Variants in GMCL1 observed in about 807,000 individuals in gnomAD.
GMCL1 encodes germ cell-less protein-like 1.
In GMCL1, 54 loss-of-function variants were observed where a neutral mutation model predicts 75.5. The ratio of observed to expected loss-of-function variants is 0.71; its 90% CI spans 0.57 to 0.90. The LOEUF is 0.90. GMCL1 is among the 40% of genes least tolerant of loss of function. GMCL1 has a pLI of 0.00. For synonymous variants in GMCL1, 210 were observed against 209.6 expected (o/e 1.00, Z -0.02); for missense variants, 537 against 622.7 (o/e 0.86, Z 1.47).
At position 69,877,731 on chromosome 2, in the gene GMCL1, TGTGA is replaced by T. The variant is rs779317428; in HGVS notation, c.1453-1176_1453-1173del. 1.6e-3 allele frequency among the ~76,000 whole-genome samples: 231 copies of T among 148,324 alleles called. 1 individual carries two copies. Among genetic ancestry groups the T allele is most frequent in the African/African-American group, 5.3e-3 (215 of 40,722 alleles). On this transcript the variant is annotated intron_variant, in intron 13 of 13. Transcript: ENST00000282570. ...TTGTGTGTGTGTGTGTGTGTGTGTG[TGTGA>T]GACATTTGTACTCTCTACCTTCTTT...
intron 4 of GMCL1, 185 bp from the exon 5 acceptor site, chr2:69,842,964 T>A (rs1675025919): frequency 2.7e-6 from 1 of 376,722 alleles, no homozygotes. Context: ...TTGCTGAACT[T>A]TTTTCAGTAT....
intron 4 of GMCL1, among the ~76,000 whole-genome samples, chr2:69,841,842 C>G (rs113459631): frequency 1.8e-4 from 28 of 152,136 alleles, no homozygotes; most frequent in African/African-American, 6.3e-4. Flanking sequence ...ACAGAGAGAA[C>G]AGAGTAAACT....
chr2:69,864,826 C>T, intron 10 of GMCL1, 74 bp from the exon 11 acceptor site: 1 of 975,740 alleles, frequency 1.0e-6, no homozygotes, highest in South Asian at 1.5e-5. Context: ...ATTTTCTGTT[C>T]TTAACTCATA....
intron 8 of GMCL1, among the ~76,000 whole-genome samples, chr2:69,851,566 C>T (rs1044662338): frequency 6.6e-6 from 1 of 151,686 alleles, no homozygotes; most frequent in Non-Finnish European, 1.5e-5. Flanking sequence ...GCCGAGATTG[C>T]GCCATTGCAC....
intron 1 of GMCL1, among the ~76,000 whole-genome samples, chr2:69,836,182 C>G (rs1674812095): frequency 6.6e-6 from 1 of 152,188 alleles, no homozygotes; most frequent in Non-Finnish European, 1.5e-5. Flanking sequence ...AGCTTAGCCT[C>G]CATCCTAGTC....
At chr2:69,865,289 TTC>T (rs1447693757) in intron 11 of GMCL1, among the ~76,000 whole-genome samples, 1 of 152,256 alleles carries the variant, frequency 6.6e-6, no homozygotes, top group Non-Finnish European at 1.5e-5. Flanking sequence ...TTAAAAGTGA[TTC>T]TGTGTTACAG....
At chr2:69,856,768 T>C (rs976968620) in intron 9 of GMCL1, among the ~76,000 whole-genome samples, 1 of 150,946 alleles carries the variant, frequency 6.6e-6, no homozygotes, top group African/African-American at 2.4e-5. Context: ...CCCCTCAGTG[T>C]GCACTTTCCA....
At chr2:69,834,893 T>C (rs1674776810) in intron 1 of GMCL1, among the ~76,000 whole-genome samples, 1 of 152,194 alleles carries the variant, frequency 6.6e-6, no homozygotes, top group African/African-American at 2.4e-5. Flanking sequence ...TTTCCTTTCT[T>C]TGTCTTTTTG....
intron 13 of GMCL1, among the ~76,000 whole-genome samples, chr2:69,872,276 G>C (rs892003350): frequency 6.6e-6 from 1 of 152,164 alleles, no homozygotes; most frequent in African/African-American, 2.4e-5. Flanking sequence ...AGGTTCGTAA[G>C]ATGGCAAACT....
At chr2:69,869,920 T>G (rs1337793355) in intron 12 of GMCL1, 56 bp downstream of exon 12, 3 of 1,546,552 alleles carry the variant, frequency 1.9e-6, no homozygotes, top group African/African-American at 2.8e-5. Flanking sequence ...ATATAAGAAA[T>G]AAAACCTTGA....
chr2:69,877,834 C>G (rs145279410), intron 13 of GMCL1, among the ~76,000 whole-genome samples: 323 of 152,242 alleles, frequency 2.1e-3, no homozygotes, highest in African/African-American at 7.5e-3. Context: ...CACAGATATT[C>G]TAGTTTTAGT....
Position 69,847,554 on chromosome 2 carries a change from T to C in GMCL1, c.770T>C (p.Met257Thr). Residue 257 changes from methionine to threonine, a missense_variant, in exon 7 of 14, where the codon ATG (methionine) becomes ACG (threonine). This residue lies in a region of GMCL1 where 345 missense variants were observed against 410.5 expected (regional missense o/e 0.84). Coordinates refer to ENST00000282570, the MANE Select transcript of GMCL1 (RefSeq NM_178439.5). Reference sequence around the variant, plus strand: ...TTTATCCTTTTCAGTATAAATGTCATGAAACAGCTCATTGGTTCATCTAAC... The same window carrying C: ...TTTATCCTTTTCAGTATAAATGTCACGAAACAGCTCATTGGTTCATCTAAC... ...ELFKELSINV[M>T]KQLIGSSNLF... 6.2e-7 allele frequency: 1 copy of C among 1,605,842 alleles called. No individual in the cohort carries two copies. Among genetic ancestry groups the C allele is most frequent in the Non-Finnish European group, 8.5e-7 (1 of 1,172,808 alleles).
chr2:69,857,693 T>C (rs1165113538), intron 9 of GMCL1, among the ~76,000 whole-genome samples: 1 of 152,216 alleles, frequency 6.6e-6, no homozygotes, highest in Non-Finnish European at 1.5e-5. Flanking sequence ...CTATACAGAA[T>C]ACTCTTATTT....
chr2:69,880,260 G>A lies in GMCL1; in HGVS notation c.*1256G>A, dbSNP rs1040692630. On this transcript the variant is annotated 3_prime_UTR_variant, in exon 14 of 14. Coordinates refer to ENST00000282570, the MANE Select transcript of GMCL1 (RefSeq NM_178439.5). ...TAATAAATGCCCATTTGGAAAAAGA[G>A]TAAGCTCTTACATAAAATGGACCAA... 27 of 152,092 alleles carry A rather than the reference G, an allele frequency of 1.8e-4. No homozygotes were observed. The highest frequency in any genetic ancestry group is 6.5e-4 in the African/African-American group (27 of 41,426). The allele number at this position is 152,092 out of a possible 1,614,324, so 9.4% of individuals were successfully genotyped here.
At position 69,831,796 on chromosome 2, in the gene GMCL1, G is replaced by A. The variant is rs139846437; in HGVS notation, c.260+1644G>A. 1.9e-3 allele frequency among the ~76,000 whole-genome samples: 294 copies of A among 152,138 alleles called. 1 individual carries two copies. The highest frequency in any genetic ancestry group is 6.9e-3 in the African/African-American group (288 of 41,506). On this transcript the variant is annotated intron_variant, in intron 1 of 13. Transcript: ENST00000282570. The stretch of plus-strand genomic sequence containing the variant: ...TAATTTTTTTATTTGTAGAAACAAG[G>A]TCTCACTCTGTTGCCCACCCAGGCT...
chr2:69,830,042 C>G lies in GMCL1; in HGVS notation c.150C>G (p.His50Gln), dbSNP rs562836873. 6.4e-7 allele frequency: 1 copy of G among 1,565,120 alleles called. No homozygotes were observed. The highest frequency in any genetic ancestry group is 1.2e-5 in the South Asian group (1 of 85,574). The change falls in exon 1 of 14, where the codon CAC (histidine) becomes CAG (glutamine). Residue 50 changes from histidine (H) to glutamine (Q), a missense_variant. Transcript: ENST00000282570. Reference protein sequence around the residue: ...GHGFCYCAGSHKRKRSSGSFC... With the variant: ...GHGFCYCAGSQKRKRSSGSFC... ...GATTCTGTTACTGTGCGGGCAGCCA[C>G]AAGCGCAAGCGGAGCAGCGGGTCCT...
chr2:69,834,028 C>G (rs1191016367), intron 1 of GMCL1, among the ~76,000 whole-genome samples: 1 of 152,228 alleles, frequency 6.6e-6, no homozygotes, highest in African/African-American at 2.4e-5. Flanking sequence ...ACCTCACAGT[C>G]ATATGGAATC....
chr2:69,844,927 AG>A, intron 6 of GMCL1: 1 of 249,506 alleles, frequency 4.0e-6, no homozygotes, highest in Non-Finnish European at 9.1e-6. Flanking sequence ...ACAAATTCAC[AG>A]GCCATGGTTT....
At chr2:69,851,586 G>A (rs1297322688) in intron 8 of GMCL1, among the ~76,000 whole-genome samples, 1 of 152,104 alleles carries the variant, frequency 6.6e-6, no homozygotes, top group East Asian at 1.9e-4. Flanking sequence ...CTCCAGCCTG[G>A]GCAACGAGCA....
Sources: allele counts gnomAD v4.1 joint callset (sites outside exome capture counted in the v4.1 genomes callset), GRCh38; gene constraint gnomAD v4.1.1; regional missense constraint gnomAD v4.1.1; transcripts MANE v1.5; gene names NCBI Gene and HGNC (gene_info 2026-07-23, HGNC 2026-07-21).